The following MMS19 variants were observed in gnomAD, a reference collection of about 807,000 sequenced individuals.
MMS19 encodes MMS19 nucleotide excision repair protein homolog.
A neutral mutation model predicts 129.8 loss-of-function variants in MMS19; 77 were observed. That is an observed-to-expected ratio of 0.59 (90% CI 0.49 to 0.72). The LOEUF (loss-of-function observed/expected upper bound fraction) is 0.72. Among genes scored for constraint, MMS19 ranks in the 30% least tolerant of loss-of-function variants. The pLI is 0.00. For synonymous variants in MMS19, 491 were observed against 502.8 expected (o/e 0.98, Z 0.31); for missense variants, 1,168 against 1,266.3 (o/e 0.92, Z 1.18).
At chr10:97,490,798 C>T (rs577488745) in intron 1 of MMS19, among the ~76,000 whole-genome samples, 1 of 152,278 alleles carries the variant, frequency 6.6e-6, no homozygotes, top group South Asian at 2.1e-4. Context: ...ACTTATAGCT[C>T]GTGACTGGCA....
chr10:97,464,358 A>G (rs2032871216), intron 18 of MMS19, among the ~76,000 whole-genome samples: 2 of 152,354 alleles, frequency 1.3e-5, no homozygotes, highest in Admixed American at 6.5e-5. Context: ...CAGGAAGTGC[A>G]AAGTCAGGAA....
intron 1 of MMS19, among the ~76,000 whole-genome samples, chr10:97,484,565 T>C (rs1227628480): frequency 1.3e-5 from 2 of 151,926 alleles, no homozygotes; most frequent in Non-Finnish European, 2.9e-5. Context: ...ACCAAAAAAA[T>C]ACCTGGATAT....
intron 1 of MMS19, among the ~76,000 whole-genome samples, chr10:97,491,224 T>C (rs994548590): frequency 1.3e-5 from 2 of 152,184 alleles, no homozygotes; most frequent in African/African-American, 4.8e-5. Flanking sequence ...GCAAAGGATA[T>C]CAATGAACTG....
intron 21 of MMS19, 21 bp from the exon 22 acceptor site, chr10:97,461,917 G>A (rs761644331): frequency 1.7e-5 from 27 of 1,591,460 alleles, no homozygotes; most frequent in African/African-American, 2.7e-5. Context: ...AGGAGAGCCC[G>A]ATCAAGCCTG....
At chr10:97,471,259 A>AAG (rs2034629027) in intron 8 of MMS19, among the ~76,000 whole-genome samples, 1 of 152,042 alleles carries the variant, frequency 6.6e-6, no homozygotes, top group East Asian at 1.9e-4. Flanking sequence ...GAACATTTTT[A>AAG]TGGTATTATT....
At chr10:97,475,683 G>C (rs977362004) in intron 8 of MMS19, among the ~76,000 whole-genome samples, 3 of 152,198 alleles carry the variant, frequency 2.0e-5, no homozygotes, top group African/African-American at 7.2e-5. Flanking sequence ...GTTGCAGTGA[G>C]TTGAGATCGC....
Position 97,468,288 on chromosome 10 carries a change from C to T in MMS19, c.1182G>A (p.Leu394=). 6 of 1,608,776 alleles carry T rather than the reference C, an allele frequency of 3.7e-6. No homozygotes were observed. The highest frequency in any genetic ancestry group is 5.1e-6 in the Non-Finnish European group (6 of 1,176,706). ...TGTGGAACTGTTCCAGCAGTAAAGG[C>T]AGTACATTGCTGGTGACAGAGTCAC... ...RACDSVTSNV[L]PLLLEQFHKH... Residue 394 remains leucine, a synonymous_variant, in exon 13 of 31, where the codon CTG becomes CTA. Transcript: ENST00000438925.
At chr10:97,490,701 T>TA (rs1289712526) in intron 1 of MMS19, among the ~76,000 whole-genome samples, 1 of 152,184 alleles carries the variant, frequency 6.6e-6, no homozygotes, top group Non-Finnish European at 1.5e-5. Flanking sequence ...CAGCAACAGT[T>TA]ATGAGCTGAC....
chr10:97,492,254 A>G (rs542411466), intron 1 of MMS19, among the ~76,000 whole-genome samples: 118 of 148,908 alleles, frequency 7.9e-4, no homozygotes, highest in African/African-American at 2.9e-3. Flanking sequence ...GCGGATCACG[A>G]GGTCAGGAGA....
chr10:97,482,765 CACATAT>C (rs1429657864), intron 2 of MMS19, among the ~76,000 whole-genome samples: 29 of 143,096 alleles, frequency 2.0e-4, no homozygotes, highest in African/African-American at 5.6e-4. Context: ...CACACACACA[CACATAT>C]ATTTTTTGAG....
chr10:97,485,948 A>G (rs1010004249), intron 1 of MMS19, among the ~76,000 whole-genome samples: 4 of 152,248 alleles, frequency 2.6e-5, no homozygotes, highest in African/African-American at 9.6e-5. Flanking sequence ...TAGAACTACT[A>G]TATGACCCAA....
rs2275587 is a variant in MMS19, at chr10:97,481,173, A to G, written c.162-131T>C. The G allele has an allele frequency of 4.0e-4, 271 of 674,090 alleles. 1 individual carries two copies. In the East Asian group the frequency reaches 6.5e-3, roughly 16 times the overall value. 41.8% of individuals were successfully genotyped at this position (674,090 alleles called of 1,614,324 possible). On this transcript the variant is annotated intron_variant, in intron 2 of 30. Coordinates refer to ENST00000438925, the MANE Select transcript of MMS19 (RefSeq NM_022362.5). The stretch of plus-strand genomic sequence containing the variant: ...GCCAAGCCCTGTTAAGAGTAAAAAC[A>G]GCCCAGGAAGGTGTTCCTGAGGTAA...
intron 8 of MMS19, among the ~76,000 whole-genome samples, chr10:97,476,144 A>G (rs557229503): frequency 3.9e-5 from 6 of 152,348 alleles, no homozygotes; most frequent in African/African-American, 1.2e-4. Context: ...GAATGGGAGG[A>G]AGGCCCAAGA....
chr10:97,478,268 G>T (rs1353023081), intron 4 of MMS19, 36 bp downstream of exon 4: 3 of 1,526,304 alleles, frequency 2.0e-6, no homozygotes, highest in African/African-American at 2.7e-5. Flanking sequence ...GGGCTCCCTT[G>T]AACAAAGTTA....
intron 1 of MMS19, among the ~76,000 whole-genome samples, chr10:97,486,862 C>CATATATAT (rs148575472): frequency 0.057 from 4,778 of 84,050 alleles, 297 homozygotes; most frequent in Non-Finnish European, 0.066. Context: ...ATTAAAGTGC[C>CATATATAT]ATATATATAT....
chr10:97,465,890 T>C lies in MMS19; in HGVS notation c.1671A>G (p.Gln557=), dbSNP rs754667347. ...GATGTGTTGATACAGCTGACAAGGC[T>C]TGCAGACAGCACAGATGCCGGGAGC... ...TQCSRHLCCL[Q]ALSAVSTHPS... The change falls in exon 18 of 31, where the codon CAA becomes CAG. Residue 557 remains glutamine, a synonymous_variant. Coordinates refer to ENST00000438925, the MANE Select transcript of MMS19 (RefSeq NM_022362.5). 6.2e-7 allele frequency: 1 copy of C among 1,613,868 alleles called. No homozygotes were observed. Among genetic ancestry groups the C allele is most frequent in the Non-Finnish European group, 8.5e-7 (1 of 1,179,882 alleles).
At position 97,469,022 on chromosome 10, in the gene MMS19, A is replaced by C; in HGVS notation, c.1007T>G (p.Val336Gly). 1 of 1,586,292 alleles carries C rather than the reference A, an allele frequency of 6.3e-7. No individual in the cohort carries two copies. The highest frequency in any genetic ancestry group is 8.6e-7 in the Non-Finnish European group (1 of 1,166,322). The change falls in exon 12 of 31, where the codon GTG becomes GGG. Residue 336 changes from valine (V) to glycine (G), a missense_variant. Physicochemically the swap from Val to Gly is moderately radical, Grantham distance 109. Coordinates refer to ENST00000438925, the MANE Select transcript of MMS19 (RefSeq NM_022362.5). ...HSLTACLSRS[V>G]LRADAEDLLD... is the part of the protein sequence containing the mutation. ...GAGGTCCTCAGCATCAGCCCTCAGC[A>C]CAGAGCGAGACAAACACGCAGTCAG...
chr10:97,479,429 C>CT (rs2036360859), intron 3 of MMS19, among the ~76,000 whole-genome samples: 2 of 152,122 alleles, frequency 1.3e-5, no homozygotes. Context: ...TTCGACGCCC[C>CT]TTTTCAGTAG....
At chr10:97,482,737 TACACAC>T (rs764606344) in intron 2 of MMS19, among the ~76,000 whole-genome samples, 48 of 98,446 alleles carry the variant, frequency 4.9e-4, no homozygotes, top group Non-Finnish European at 8.0e-4. Context: ...TGTATATATA[TACACAC>T]ACACACACAC....
Sources: gnomAD v4.1 joint callset for allele counts (sites outside exome capture counted in the v4.1 genomes callset) on GRCh38, gnomAD v4.1.1 for gene constraint, MANE v1.5 for transcripts, NCBI Gene and HGNC (gene_info 2026-07-23, HGNC 2026-07-21) for gene names.